FAM163B: variants seen among roughly 807,000 people sequenced by gnomAD.
FAM163B encodes protein FAM163B.
Under a neutral mutation model 7.6 loss-of-function variants are expected in FAM163B, and 4 were observed. The observed-to-expected ratio is 0.52, with a 90% CI of 0.26 to 1.20. FAM163B has a LOEUF of 1.20. Ranked by LOEUF, FAM163B falls within the 50% of genes most tolerant of loss-of-function variation. The pLI is 0.14. For missense variants in FAM163B, 250 were observed against 243.0 expected (o/e 1.03, Z -0.19); for synonymous variants, 120 against 111.6 (o/e 1.07, Z -0.47).
At chr9:133,605,096 C>T (rs1213550674) in intron 1 of FAM163B, among the ~76,000 whole-genome samples, 3 of 152,248 alleles carry the variant, frequency 2.0e-5, no homozygotes, top group Non-Finnish European at 4.4e-5. Flanking sequence ...CTGTGGGCCC[C>T]GAGGCCACCT....
chr9:133,590,448 G>A (rs1227958612), intron 1 of FAM163B, among the ~76,000 whole-genome samples: 1 of 152,002 alleles, frequency 6.6e-6, no homozygotes, highest in Non-Finnish European at 1.5e-5. Flanking sequence ...GTGCTTCAGT[G>A]AACCCTATAG....
Position 133,579,422 on chromosome 9 carries a change from C to T in FAM163B, c.101G>A (p.Cys34Tyr). 6.3e-7 allele frequency: 1 copy of T among 1,599,234 alleles called. No homozygotes were observed. The highest frequency in any genetic ancestry group is 8.5e-7 in the Non-Finnish European group (1 of 1,173,708). The change falls in exon 3 of 3, where the codon TGC (cysteine) becomes TAC (tyrosine). Residue 34 changes from cysteine to tyrosine, a missense_variant. Cys to Tyr is a radical substitution (Grantham distance 194). Transcript: ENST00000673969. ...VLCYCRLQYY[C>Y]CKKDESEEDE... ...CTCCTCCGACTCGTCCTTCTTGCAGCAGTAGTACTGCGGGCAGAGGGACGG... is the reference window on the plus strand; with the variant it reads ...CTCCTCCGACTCGTCCTTCTTGCAGTAGTAGTACTGCGGGCAGAGGGACGG...
At chr9:133,588,959 T>C (rs1002201663) in intron 1 of FAM163B, among the ~76,000 whole-genome samples, 21 of 152,090 alleles carry the variant, frequency 1.4e-4, no homozygotes, top group African/African-American at 4.8e-4. Flanking sequence ...GTCTGAAATA[T>C]TTATGCACAT....
rs1417095783 is a variant in FAM163B at position 133,602,087 on chromosome 9, A to G, written c.-24+6990T>C. Among the ~76,000 whole-genome samples, 3 of 81,066 alleles carry G rather than the reference A, an allele frequency of 3.7e-5. No homozygotes were observed. In the Admixed American group the frequency reaches 4.4e-4, roughly 12 times the overall value. The allele number at this position is 81,066 out of a possible 152,430, so 53.2% of individuals were successfully genotyped here. A position where few individuals can be genotyped will look rare whatever the true frequency, so the allele number is the denominator to read the frequency against. On this transcript the variant is annotated intron_variant, in intron 1 of 2. Transcript: ENST00000673969. Reference sequence around the variant, plus strand: ...TTTGAACCCTGCCCCCCGCCCCCCCAAACACACACACACAGAGCTTTAGCA... The same window carrying G: ...TTTGAACCCTGCCCCCCGCCCCCCCGAACACACACACACAGAGCTTTAGCA...
intron 1 of FAM163B, among the ~76,000 whole-genome samples, chr9:133,589,101 C>T (rs1462936541): frequency 6.6e-6 from 1 of 152,160 alleles, no homozygotes; most frequent in Non-Finnish European, 1.5e-5. Flanking sequence ...CCGGAAAATA[C>T]CCCCTGGGAA....
intron 1 of FAM163B, among the ~76,000 whole-genome samples, chr9:133,603,665 A>G (rs1319682608): frequency 6.6e-6 from 1 of 152,134 alleles, no homozygotes; most frequent in Admixed American, 6.6e-5. Flanking sequence ...GTGCCACACC[A>G]GCTCCTTCCT....
intron 1 of FAM163B, among the ~76,000 whole-genome samples, chr9:133,589,273 C>A (rs1015813553): frequency 6.6e-6 from 1 of 152,214 alleles, no homozygotes; most frequent in Non-Finnish European, 1.5e-5. Context: ...GCACCACTAT[C>A]TCTGTGCCAG....
intron 1 of FAM163B, among the ~76,000 whole-genome samples, chr9:133,585,358 G>A (rs545046232): frequency 2.6e-4 from 40 of 152,160 alleles, no homozygotes; most frequent in African/African-American, 9.6e-4. Context: ...CACACGTCCC[G>A]TGCTGAATTT....
chr9:133,578,755 G>A lies in FAM163B; in HGVS notation c.*267C>T. 2 of 518,746 alleles carry A rather than the reference G, an allele frequency of 3.9e-6. No individual in the cohort carries two copies. The highest frequency in any genetic ancestry group is 6.4e-6 in the Non-Finnish European group (2 of 314,382). 32.1% of individuals were successfully genotyped at this position (518,746 alleles called of 1,614,324 possible). ...GGTGGCCTCTGTGCCTGAGAGCCCT[G>A]GTGCATGCCCAGCCGGCTGTATGGT... On this transcript the variant is annotated 3_prime_UTR_variant, in exon 3 of 3. Coordinates refer to ENST00000673969, the MANE Select transcript of FAM163B (RefSeq NM_001080515.3).
At chr9:133,587,477 T>G (rs534267622) in intron 1 of FAM163B, among the ~76,000 whole-genome samples, 3 of 151,952 alleles carry the variant, frequency 2.0e-5, no homozygotes, top group Admixed American at 2.0e-4. Flanking sequence ...GGACAGGGAG[T>G]GTCAGGATCA....
intron 1 of FAM163B, among the ~76,000 whole-genome samples, chr9:133,602,088 A>AAC (rs144593996): frequency 7.3e-5 from 11 of 149,884 alleles, no homozygotes; most frequent in East Asian, 2.0e-4. Flanking sequence ...CGCCCCCCCA[A>AAC]ACACACACAC....
At chr9:133,592,703 T>C (rs1205638455) in intron 1 of FAM163B, among the ~76,000 whole-genome samples, 5 of 152,162 alleles carry the variant, frequency 3.3e-5, no homozygotes, top group Non-Finnish European at 5.9e-5. Context: ...CAGTGACTTC[T>C]TTACTTAAAG....
intron 1 of FAM163B, among the ~76,000 whole-genome samples, chr9:133,597,872 G>A (rs769337572): frequency 1.1e-4 from 17 of 152,184 alleles, no homozygotes; most frequent in Non-Finnish European, 2.4e-4. Context: ...AACCTGGAAC[G>A]TGCAATCCAG....
chr9:133,583,888 A>G (rs756764759), intron 1 of FAM163B, among the ~76,000 whole-genome samples: 1 of 152,212 alleles, frequency 6.6e-6, no homozygotes, highest in South Asian at 2.1e-4. Context: ...AGGGCCAGGC[A>G]TGGCCGACAG....
At chr9:133,596,788 C>T (rs1193412485) in intron 1 of FAM163B, among the ~76,000 whole-genome samples, 1 of 152,194 alleles carries the variant, frequency 6.6e-6, no homozygotes, top group African/African-American at 2.4e-5. Flanking sequence ...GCTGGCTGAA[C>T]AGTGACTCAA....
Position 133,579,029 on chromosome 9 carries a change from T to TC in FAM163B, c.493dup (p.Asp165GlyfsTer61). ...CCCGGGGGCGGGCCCAGGTCACACGTCGGTGCTGATGCTGCGGCTCCTGGC... is the reference window on the plus strand; with the variant it reads ...CCCGGGGGCGGGCCCAGGTCACACGTCCGGTGCTGATGCTGCGGCTCCTGGC... On this transcript the variant is annotated frameshift_variant, in exon 3 of 3. Transcript: ENST00000673969. LOFTEE classifies it high-confidence loss of function. The TC allele has an allele frequency of 6.5e-7, 1 of 1,540,776 alleles. No homozygotes were observed. Among genetic ancestry groups the TC allele is most frequent in the Non-Finnish European group, 8.7e-7 (1 of 1,144,798 alleles).
At chr9:133,582,449 T>C (rs1261533066) in intron 1 of FAM163B, among the ~76,000 whole-genome samples, 1 of 152,342 alleles carries the variant, frequency 6.6e-6, no homozygotes, top group East Asian at 1.9e-4. Context: ...ATGAGGGATC[T>C]GGGTCAGGTC....
chr9:133,595,236 C>T lies in FAM163B; in HGVS notation c.-24+13841G>A, dbSNP rs1423883304. On this transcript the variant is annotated intron_variant, in intron 1 of 2. Transcript: ENST00000673969. ...TCTCAGCTCATTGCAACCTCTGCCTCCCAGGTTCAAGTGATTCTCCTGCCT... is the reference window on the plus strand; with the variant it reads ...TCTCAGCTCATTGCAACCTCTGCCTTCCAGGTTCAAGTGATTCTCCTGCCT... Among the ~76,000 whole-genome samples the T allele has an allele frequency of 3.3e-5, 5 of 152,218 alleles. No homozygotes were observed. In the South Asian group the frequency reaches 8.3e-4, roughly 25 times the overall value.
At chr9:133,585,602 C>T (rs1346948655) in intron 1 of FAM163B, among the ~76,000 whole-genome samples, 2 of 152,382 alleles carry the variant, frequency 1.3e-5, no homozygotes, top group South Asian at 2.1e-4. Flanking sequence ...CCTACATCCT[C>T]GGCACTGGCC....
Sources: allele counts gnomAD v4.1 joint callset (sites outside exome capture counted in the v4.1 genomes callset), GRCh38; gene constraint gnomAD v4.1.1; transcripts MANE v1.5; gene names NCBI Gene and HGNC (gene_info 2026-07-23, HGNC 2026-07-21).